RELN: variants seen among roughly 807,000 people sequenced by gnomAD.
RELN encodes reelin.
Under a neutral mutation model 427.6 loss-of-function variants are expected in RELN, and 108 were observed. That is an observed-to-expected ratio of 0.25 (90% CI 0.22 to 0.30). RELN has a LOEUF of 0.30. RELN is among the 10% of genes least tolerant of loss of function. RELN has a pLI of 1.00. For missense variants in RELN, 3,715 were observed against 4,302.8 expected, an observed-to-expected ratio of 0.86 and a Z score of 3.82; for synonymous variants, 1,524 against 1,513.4, an observed-to-expected ratio of 1.01 and a Z score of -0.16.
intron 6 of RELN, 29 bp downstream of exon 6, chr7:103,749,397 C>T (rs749055688): frequency 3.8e-6 from 6 of 1,577,420 alleles, no homozygotes; most frequent in Admixed American, 3.3e-5. Context: ...ATTAAGCAAA[C>T]CAAAGTGAGG....
At chr7:103,908,200 G>T (rs899795891) in intron 2 of RELN, among the ~76,000 whole-genome samples, 48 of 152,196 alleles carry the variant, frequency 3.2e-4, no homozygotes, top group African/African-American at 1.2e-3. Flanking sequence ...AATTCTGTGG[G>T]TAAGAAACTT....
At chr7:103,843,147 T>TGCC (rs1793594174) in intron 2 of RELN, among the ~76,000 whole-genome samples, 1 of 152,142 alleles carries the variant, frequency 6.6e-6, no homozygotes, top group Non-Finnish European at 1.5e-5. Context: ...CACACAGTGT[T>TGCC]GTACATGTTG....
In RELN at chr7:103,515,421, G is replaced by C; in HGVS notation, c.7883C>G (p.Pro2628Arg). Residue 2628 changes from proline (P) to arginine (R), a missense_variant, in exon 50 of 65, where the codon CCT becomes CGT. Physicochemically the swap from Pro to Arg is moderately radical, Grantham distance 103 (BLOSUM62 -2). Coordinates refer to ENST00000428762, the MANE Select transcript of RELN (RefSeq NM_005045.4). ...SKPGFVNILL[P>R]PDAKEIATRF... is the part of the protein sequence containing the mutation. ...AGTGGCAATCTCTTTAGCATCAGGAGGGAGAAGGATATTCACAAATCTATA... is the reference window on the plus strand; with the variant it reads ...AGTGGCAATCTCTTTAGCATCAGGACGGAGAAGGATATTCACAAATCTATA... 1 of 1,614,154 alleles carries C rather than the reference G, an allele frequency of 6.2e-7. No individual in the cohort carries two copies. Among genetic ancestry groups the C allele is most frequent in the Non-Finnish European group, 8.5e-7 (1 of 1,180,042 alleles).
At chr7:103,793,895 T>C (rs1369061394) in intron 3 of RELN, among the ~76,000 whole-genome samples, 1 of 151,998 alleles carries the variant, frequency 6.6e-6, no homozygotes, top group African/African-American at 2.4e-5. Context: ...GCCTTCAGAG[T>C]AGCTGGAACT....
chr7:103,746,544 C>G (rs1159327306), intron 6 of RELN, among the ~76,000 whole-genome samples: 1 of 151,956 alleles, frequency 6.6e-6, no homozygotes, highest in African/African-American at 2.4e-5. Context: ...TATCCAGAAG[C>G]TACAATGAAC....
chr7:103,706,530 G>C (rs1216167166), intron 8 of RELN, among the ~76,000 whole-genome samples: 2 of 152,078 alleles, frequency 1.3e-5, no homozygotes, highest in African/African-American at 4.8e-5. Flanking sequence ...TTCACCCAAG[G>C]ACACCTACTA....
chr7:103,756,646 A>G (rs1483810943), intron 4 of RELN, among the ~76,000 whole-genome samples: 1 of 152,190 alleles, frequency 6.6e-6, no homozygotes, highest in African/African-American at 2.4e-5. Flanking sequence ...AACATTGTCC[A>G]AAAGTCCTTT....
rs2117129357 is a variant in RELN at position 103,540,272 on chromosome 7, A to G, written c.6855T>C (p.Arg2285=). The change falls in exon 44 of 65, where the codon CGT becomes CGC. Residue 2285 remains arginine (R), a synonymous_variant. Transcript: ENST00000428762. ...YIALEIPLKA[R]SGSTRLRWWQ... is the part of the protein sequence containing the mutation. ...ACCAGCGAAGGCGAGTAGAACCAGA[A>G]CGGGCTTTCAAGGGTATCTCCAGGG... The G allele has an allele frequency of 6.2e-7, 1 of 1,614,172 alleles. No individual in the cohort carries two copies. The highest frequency in any genetic ancestry group is 8.5e-7 in the Non-Finnish European group (1 of 1,180,022).
At chr7:103,759,419 G>C (rs1791240473) in intron 4 of RELN, among the ~76,000 whole-genome samples, 1 of 152,042 alleles carries the variant, frequency 6.6e-6, no homozygotes. Flanking sequence ...ATGCTTCTTG[G>C]TCTCTTTAAA....
intron 2 of RELN, among the ~76,000 whole-genome samples, chr7:103,872,044 T>TTTTTC (rs1794353467): frequency 1.0e-5 from 1 of 99,462 alleles, no homozygotes; most frequent in Admixed American, 1.0e-4. Flanking sequence ...TTCTTTTTTC[T>TTTTTC]TTTTTTTCTT....
intron 63 of RELN, among the ~76,000 whole-genome samples, chr7:103,479,031 A>T (rs1166091540): frequency 1.3e-5 from 2 of 152,184 alleles, no homozygotes; most frequent in East Asian, 3.8e-4. Flanking sequence ...ATGTGGTATT[A>T]ATTCACTTTT....
chr7:103,684,093 C>G (rs972083657), intron 10 of RELN, among the ~76,000 whole-genome samples: 1 of 152,092 alleles, frequency 6.6e-6, no homozygotes, highest in Non-Finnish European at 1.5e-5. Context: ...CTTAGTGAAA[C>G]CAGTGAATTC....
chr7:103,882,211 G>C (rs1794623172), intron 2 of RELN, among the ~76,000 whole-genome samples: 1 of 152,144 alleles, frequency 6.6e-6, no homozygotes. Flanking sequence ...TAAATCTCTA[G>C]CTCTGATCTC....
At chr7:103,677,327 G>T (rs1307684286) in intron 11 of RELN, among the ~76,000 whole-genome samples, 3 of 146,842 alleles carry the variant, frequency 2.0e-5, no homozygotes, top group Non-Finnish European at 4.5e-5. Flanking sequence ...GGGTTGATGG[G>T]TGCAGCAAAC....
chr7:103,933,764 C>A (rs1383243579), intron 1 of RELN, among the ~76,000 whole-genome samples: 1 of 152,144 alleles, frequency 6.6e-6, no homozygotes, highest in Admixed American at 6.5e-5. Context: ...CCCAAAGTTT[C>A]CAGAGGCTGG....
chr7:103,693,947 T>C (rs536847563), intron 10 of RELN, among the ~76,000 whole-genome samples: 6 of 152,252 alleles, frequency 3.9e-5, no homozygotes, highest in Admixed American at 2.0e-4. Context: ...AAATACACAA[T>C]AGTTTGCCCA....
intron 8 of RELN, among the ~76,000 whole-genome samples, chr7:103,721,771 G>C (rs1005501755): frequency 3.3e-5 from 5 of 152,030 alleles, no homozygotes; most frequent in African/African-American, 1.2e-4. Context: ...AAAAGAACAA[G>C]TACTCAGAAT....
chr7:103,839,303 C>CTTTTTTTTTTTT lies in RELN; in HGVS notation c.338-5643_338-5632dup, dbSNP rs34244913. Among the ~76,000 whole-genome samples the CTTTTTTTTTTTT allele has an allele frequency of 2.5e-5, 3 of 121,206 alleles. 1 individual carries two copies. Among genetic ancestry groups the CTTTTTTTTTTTT allele is most frequent in the African/African-American group, 9.2e-5 (3 of 32,436 alleles). 79.5% of individuals were successfully genotyped at this position (121,206 alleles called of 152,430 possible). A position where few individuals can be genotyped will look rare whatever the true frequency, so the allele number is the denominator to read the frequency against. On this transcript the variant is annotated intron_variant, in intron 2 of 64. Transcript: ENST00000428762. Reference sequence around the variant, plus strand: ...CACTATGACTATACAGTGGTCTTTGCTTTTTTTTTTTTTTTTTTTAACATA... The same window carrying CTTTTTTTTTTTT: ...CACTATGACTATACAGTGGTCTTTGCTTTTTTTTTTTTTTTTTTTTTTTTTTTTTTTAACATA...
chr7:103,544,214 GA>G (rs1356527195), intron 42 of RELN, among the ~76,000 whole-genome samples: 5 of 108,758 alleles, frequency 4.6e-5, no homozygotes, highest in Non-Finnish European at 9.3e-5. Flanking sequence ...CAAAAAGAAA[GA>G]AAATCTTTTT....
Sources: gnomAD v4.1 joint callset for allele counts (sites outside exome capture counted in the v4.1 genomes callset) on GRCh38, gnomAD v4.1.1 for gene constraint, MANE v1.5 for transcripts, NCBI Gene and HGNC (gene_info 2026-07-23, HGNC 2026-07-21) for gene names.